The following CTNNA3 variants were observed in gnomAD, a reference collection of about 807,000 sequenced individuals.
CTNNA3 encodes the protein catenin alpha 3, also known as catenin alpha-3.
In CTNNA3, 76 loss-of-function variants were observed where a neutral mutation model predicts 95.7. The ratio of observed to expected loss-of-function variants is 0.79; its 90% CI spans 0.66 to 0.96. CTNNA3 has a LOEUF of 0.96. CTNNA3 is among the 40% of genes least tolerant of loss of function. The pLI, the probability that CTNNA3 is intolerant of heterozygous loss-of-function variation, is 0.00. For synonymous variants in CTNNA3, 431 were observed against 374.4 expected (o/e 1.15, Z -1.74); for missense variants, 1,191 against 1,089.8 (o/e 1.09, Z -1.31).
intron 5 of CTNNA3, among the ~76,000 whole-genome samples, chr10:67,447,704 C>T (rs950503651): frequency 6.6e-6 from 1 of 152,156 alleles, no homozygotes; most frequent in African/African-American, 2.4e-5. Context: ...TTCTACTTTA[C>T]CTGTCTTTAT....
intron 15 of CTNNA3, among the ~76,000 whole-genome samples, chr10:66,013,328 C>T (rs1241523170): frequency 6.6e-6 from 1 of 152,150 alleles, no homozygotes; most frequent in Non-Finnish European, 1.5e-5. Flanking sequence ...TGGACCAGAA[C>T]TGAAAATATG....
chr10:66,279,798 A>G (rs1346361036), intron 13 of CTNNA3, among the ~76,000 whole-genome samples: 3 of 152,072 alleles, frequency 2.0e-5, no homozygotes, highest in Admixed American at 1.3e-4. Context: ...ATATCTTTAC[A>G]TATGCATTTT....
chr10:66,607,495 A>AAAAAAAAAAAAAAAAAAAAAAAC (rs1217667495), intron 10 of CTNNA3, among the ~76,000 whole-genome samples: 1 of 150,016 alleles, frequency 6.7e-6, no homozygotes, highest in African/African-American at 2.4e-5. Context: ...AAAAAAAAAA[A>AAAAAAAAAAAAAAAAAAAAAAAC]AGCAAGAAAG....
intron 10 of CTNNA3, among the ~76,000 whole-genome samples, chr10:66,562,986 T>G (rs1232879737): frequency 2.0e-5 from 3 of 152,054 alleles, no homozygotes; most frequent in Non-Finnish European, 4.4e-5. Flanking sequence ...GACCCACACA[T>G]TTTAAGGGAG....
chr10:66,126,252 A>G (rs2082825154), intron 13 of CTNNA3, among the ~76,000 whole-genome samples: 1 of 152,370 alleles, frequency 6.6e-6, no homozygotes, highest in East Asian at 1.9e-4. Flanking sequence ...ATAATGTTAT[A>G]CTAGTGTACT....
intron 7 of CTNNA3, among the ~76,000 whole-genome samples, chr10:66,913,142 G>A (rs1345432311): frequency 1.3e-5 from 2 of 148,676 alleles, no homozygotes; most frequent in Non-Finnish European, 3.0e-5. Flanking sequence ...GGGAGGCTGA[G>A]GCAGGAGAAT....
At chr10:66,657,880 G>C (rs1016627014) in intron 9 of CTNNA3, among the ~76,000 whole-genome samples, 22 of 152,116 alleles carry the variant, frequency 1.4e-4, no homozygotes, top group African/African-American at 5.3e-4. Flanking sequence ...TAAGAATTTT[G>C]AGAGGGAAAT....
intron 7 of CTNNA3, among the ~76,000 whole-genome samples, chr10:66,903,563 A>G (rs1211440908): frequency 6.6e-6 from 1 of 152,198 alleles, no homozygotes; most frequent in East Asian, 1.9e-4. Context: ...AAGGGTATTC[A>G]GTTAGGAAAA....
intron 11 of CTNNA3, among the ~76,000 whole-genome samples, chr10:66,487,093 G>C (rs10997173): frequency 6.8e-6 from 1 of 146,234 alleles, no homozygotes; most frequent in Non-Finnish European, 1.5e-5. Flanking sequence ...TCTGTTATAA[G>C]ACGAATAAGT....
chr10:66,842,614 A>G (rs1220086377), intron 7 of CTNNA3, among the ~76,000 whole-genome samples: 1 of 152,182 alleles, frequency 6.6e-6, no homozygotes, highest in Admixed American at 6.5e-5. Context: ...ATACATAAAT[A>G]TATGAAGTGA....
chr10:67,043,625 A>AT (rs917537687), intron 7 of CTNNA3, among the ~76,000 whole-genome samples: 55 of 151,734 alleles, frequency 3.6e-4, no homozygotes, highest in Non-Finnish European at 5.7e-4. Context: ...ATTAACAATG[A>AT]TTTTTTTTTA....
intron 7 of CTNNA3, among the ~76,000 whole-genome samples, chr10:67,166,757 T>C (rs1253142466): frequency 6.6e-6 from 1 of 152,184 alleles, no homozygotes; most frequent in Non-Finnish European, 1.5e-5. Flanking sequence ...AATTGTATAG[T>C]ATTATGATTA....
At chr10:66,333,216 G>A (rs1301591184) in intron 12 of CTNNA3, among the ~76,000 whole-genome samples, 1 of 151,814 alleles carries the variant, frequency 6.6e-6, no homozygotes. Context: ...GGTTTTTTGT[G>A]TCTCTATCTA....
At chr10:67,099,460 G>A (rs1858208456) in intron 7 of CTNNA3, 1 of 151,658 alleles carries the variant, frequency 6.6e-6, no homozygotes, top group African/African-American at 2.4e-5. Context: ...TCAAAACAAT[G>A]AAGAAAAGAA....
rs1028058468 is a variant in CTNNA3, at chr10:66,232,680, G to T, written c.1884+47790C>A. Among the ~76,000 whole-genome samples, 35 of 152,186 alleles carry T rather than the reference G, an allele frequency of 2.3e-4. 1 individual carries two copies. Among genetic ancestry groups the T allele is most frequent in the African/African-American group, 7.9e-4 (33 of 41,530 alleles). On this transcript the variant is annotated intron_variant, in intron 13 of 17. Transcript: ENST00000433211. ...CTAGTGCAAGGACAAACATTACATG[G>T]AATTTAAAAATATATCCAGGAGCAG... is the stretch of plus-strand genomic sequence containing the variant.
chr10:66,954,750 C>T (rs560250855), intron 7 of CTNNA3, among the ~76,000 whole-genome samples: 61 of 152,198 alleles, frequency 4.0e-4, no homozygotes, highest in African/African-American at 1.3e-3. Flanking sequence ...CCTTCCTTGG[C>T]GGAATCGACT....
rs576004492 is a variant in CTNNA3, at chr10:66,483,397, G to A, written c.1531+37220C>T. On this transcript the variant is annotated intron_variant, in intron 11 of 17. Transcript: ENST00000433211. ...TTTTATCATTATTATAGATGTACAT[G>A]TATGATTTGTGGCCATGAGCTGCAG... Among the ~76,000 whole-genome samples, 103 of 152,062 alleles carry A rather than the reference G, an allele frequency of 6.8e-4. 2 individuals are homozygous for A. The South Asian group carries it at 0.021, about 32-fold the overall frequency.
chr10:66,545,891 T>A (rs35088523), intron 10 of CTNNA3, among the ~76,000 whole-genome samples: 4,145 of 151,162 alleles, frequency 0.027, 248 homozygotes, highest in East Asian at 0.23. Flanking sequence ...ATTTTGTATA[T>A]CTATATCTAC....
At chr10:66,939,800 C>T (rs372103937) in intron 7 of CTNNA3, among the ~76,000 whole-genome samples, 1 of 152,094 alleles carries the variant, frequency 6.6e-6, no homozygotes, top group Admixed American at 6.5e-5. Flanking sequence ...GTTATAAGGA[C>T]TTTTGAGAAC....
Sources: allele counts gnomAD v4.1 joint callset (sites outside exome capture counted in the v4.1 genomes callset), GRCh38; gene constraint gnomAD v4.1.1; transcripts MANE v1.5; gene names NCBI Gene and HGNC (gene_info 2026-07-23, HGNC 2026-07-21).